The following SURF4 variants were observed in gnomAD, a reference collection of about 807,000 sequenced individuals.
SURF4 encodes surfeit 4, also known as surfeit locus protein 4.
In SURF4, 3 loss-of-function variants were observed where a neutral mutation model predicts 30.0. That is an observed-to-expected ratio of 0.10 (90% CI 0.05 to 0.26). SURF4 has a LOEUF of 0.26. SURF4 is among the 10% of genes least tolerant of loss of function. SURF4 has a pLI of 1.00. For missense variants in SURF4, 217 were observed against 350.8 expected (o/e 0.62, Z 3.05); for synonymous variants, 143 against 139.9 (o/e 1.02, Z -0.16).
chr9:133,376,170 G>T, upstream of SURF4: 2 of 1,229,520 alleles, frequency 1.6e-6, no homozygotes, highest in Non-Finnish European at 2.0e-6. Flanking sequence ...GCGTCTTAAA[G>T]GGGCCACGCG....
chr9:133,371,216 C>T (rs1837487146), intron 1 of SURF4: 1 of 826,190 alleles, frequency 1.2e-6, no homozygotes, highest in Admixed American at 6.2e-5. Context: ...AAAGGCAGGT[C>T]AGATTTCCTT....
At chr9:133,365,882 T>C (rs2130121028) in intron 4 of SURF4, 103 bp downstream of exon 4, 445,775 of 1,198,606 alleles carry the variant, frequency 0.37, 88,569 homozygotes, top group South Asian at 0.47. Context: ...AGCGTCATGT[T>C]GGTGCCCAAG....
intron 4 of SURF4, among the ~76,000 whole-genome samples, chr9:133,365,475 CA>C (rs1699226948): frequency 2.0e-5 from 3 of 152,184 alleles, no homozygotes; most frequent in African/African-American, 7.2e-5. Flanking sequence ...ACAATTTAGA[CA>C]GGGGGGTCCA....
At chr9:133,376,591 G>C (rs900397089), upstream of SURF4, 6 of 1,541,328 alleles carry the variant, frequency 3.9e-6, no homozygotes, top group South Asian at 4.8e-5. Context: ...GGAGGCGGGA[G>C]CTCCGTGGGG....
intron 1 of SURF4, among the ~76,000 whole-genome samples, chr9:133,374,152 C>T (rs2130220863): frequency 2.6e-5 from 4 of 152,110 alleles, no homozygotes; most frequent in Non-Finnish European, 4.4e-5. Context: ...GGAGCTGCGA[C>T]TTGGAGAAAT....
chr9:133,368,298 G>A (rs1454700154), intron 1 of SURF4, among the ~76,000 whole-genome samples: 1 of 152,230 alleles, frequency 6.6e-6, no homozygotes, highest in Non-Finnish European at 1.5e-5. Flanking sequence ...ATGGTTGACT[G>A]AATAGTAAGA....
chr9:133,363,231 C>T lies in SURF4; in HGVS notation c.*262G>A, dbSNP rs145481023. ...ATGCCACAGCCAAGCGGGCTGTTCA[C>T]TCCAAAGCCTCGGCGTGGGGGAGGC... On this transcript the variant is annotated 3_prime_UTR_variant, in exon 6 of 6. Transcript: ENST00000371989. This position sits in a 1 kb window ranked among gnomAD's most constrained non-coding sequence, Gnocchi z 4.3. 987 of 662,890 alleles carry T rather than the reference C, an allele frequency of 1.5e-3. 1 individual carries two copies. Among genetic ancestry groups the T allele is most frequent in the African/African-American group, 0.013 (726 of 55,416 alleles). 41.1% of individuals were successfully genotyped at this position (662,890 alleles called of 1,614,324 possible).
intron 3 of SURF4, 35 bp downstream of exon 3, chr9:133,366,562 CAA>C: frequency 6.2e-7 from 1 of 1,609,658 alleles, no homozygotes; most frequent in Non-Finnish European, 8.5e-7. Context: ...TCCACCAGAG[CAA>C]AGAGAAGGGA....
At chr9:133,375,479 C>A (rs1314466103) in intron 1 of SURF4, 4 of 937,640 alleles carry the variant, frequency 4.3e-6, no homozygotes, top group Non-Finnish European at 5.1e-6. Context: ...ACCCCCGGCC[C>A]CCGTTCGTCC....
chr9:133,374,868 C>T (rs1837775344), intron 1 of SURF4, among the ~76,000 whole-genome samples: 1 of 152,040 alleles, frequency 6.6e-6, no homozygotes, highest in Non-Finnish European at 1.5e-5. Flanking sequence ...AGTTTGATGA[C>T]TCACTACCAC....
intron 1 of SURF4, among the ~76,000 whole-genome samples, chr9:133,370,587 C>T (rs1837447097): frequency 6.6e-6 from 1 of 152,228 alleles, no homozygotes; most frequent in African/African-American, 2.4e-5. Context: ...GCCACTGGAA[C>T]CATGTCATGC....
chr9:133,375,362 C>T, intron 1 of SURF4: 2 of 985,720 alleles, frequency 2.0e-6, no homozygotes, highest in Non-Finnish European at 2.4e-6. Context: ...CAGACAGGGT[C>T]AAAGGGACCC....
At chr9:133,377,275 C>A (rs1355992099), upstream of SURF4, among the ~76,000 whole-genome samples, 1 of 152,152 alleles carries the variant, frequency 6.6e-6, no homozygotes, top group East Asian at 1.9e-4. Context: ...AAAAAATAGA[C>A]TTGATTCGAG....
intron 3 of SURF4, 152 bp from the exon 4 acceptor site, chr9:133,366,180 A>C (rs1285112017): frequency 2.8e-6 from 2 of 709,308 alleles, no homozygotes; most frequent in African/African-American, 3.6e-5. Flanking sequence ...TCTAAGCTCA[A>C]AAATGTGGTT....
chr9:133,365,376 C>T (rs1200580770), intron 4 of SURF4, among the ~76,000 whole-genome samples: 1 of 152,138 alleles, frequency 6.6e-6, no homozygotes, highest in Non-Finnish European at 1.5e-5. Flanking sequence ...GTCCCCACAC[C>T]CGTGAAATAA....
chr9:133,376,561 G>A (rs142661250), upstream of SURF4: 146 of 1,592,574 alleles, frequency 9.2e-5, no homozygotes, highest in African/African-American at 1.8e-3. Context: ...GAAGTACCAG[G>A]TGCCGAGTGT....
At chr9:133,374,867 A>G (rs1351177904) in intron 1 of SURF4, among the ~76,000 whole-genome samples, 1 of 151,996 alleles carries the variant, frequency 6.6e-6, no homozygotes, top group African/African-American at 2.4e-5. Context: ...GAGTTTGATG[A>G]CTCACTACCA....
At chr9:133,375,234 G>A (rs1276347604) in intron 1 of SURF4, 4 of 985,470 alleles carry the variant, frequency 4.1e-6, no homozygotes, top group Middle Eastern at 5.2e-4. Flanking sequence ...TGCTCAGAAT[G>A]CCACCTGGAC....
At chr9:133,374,634 G>C (rs1028261433) in intron 1 of SURF4, among the ~76,000 whole-genome samples, 1 of 151,934 alleles carries the variant, frequency 6.6e-6, no homozygotes, top group African/African-American at 2.4e-5. Flanking sequence ...CAGAATCTTA[G>C]GGAAAAAATG....
Sources: allele counts gnomAD v4.1 joint callset (sites outside exome capture counted in the v4.1 genomes callset), GRCh38; gene constraint gnomAD v4.1.1; non-coding constraint Gnocchi (gnomAD v3.1); transcripts MANE v1.5; gene names NCBI Gene and HGNC (gene_info 2026-07-23, HGNC 2026-07-21).